KRT71: variants seen among roughly 807,000 people sequenced by gnomAD.
The protein encoded by KRT71 is keratin 71.
In KRT71, 42 loss-of-function variants were observed where a neutral mutation model predicts 46.2. The observed-to-expected ratio is 0.91, with a 90% CI of 0.71 to 1.18. The LOEUF is 1.18. Ranked by LOEUF, KRT71 falls within the 50% of genes most tolerant of loss-of-function variation. The pLI is 0.00. For synonymous variants in KRT71, 292 were observed against 277.8 expected (o/e 1.05, Z -0.51); for missense variants, 708 against 677.9 (o/e 1.04, Z -0.49).
chr12:52,545,632 G>A (rs1450989408), intron 7 of KRT71, 33 bp from the exon 8 acceptor site: 19 of 1,355,152 alleles, frequency 1.4e-5, no homozygotes, highest in Non-Finnish European at 1.9e-5. Flanking sequence ...AAGAGGAGAA[G>A]AGAAGTCATC....
At position 52,546,423 on chromosome 12, in the gene KRT71, C is replaced by T. The variant is rs753786773; in HGVS notation, c.1188G>A (p.Glu396=). The change falls in exon 7 of 9, where the codon GAG becomes GAA. Residue 396 remains glutamate, a synonymous_variant. Coordinates refer to ENST00000267119, the MANE Select transcript of KRT71 (RefSeq NM_033448.3). ...TGGCCTGGTGCAGGGCGCCCTCCAG[C>T]TCGTCCAGCTTGGCCCGGGCATCCT... ...ALKDARAKLD[E]LEGALHQAKE... 5 of 1,614,224 alleles carry T rather than the reference C, an allele frequency of 3.1e-6. No homozygotes were observed. In the South Asian group the frequency reaches 4.4e-5, roughly 14 times the overall value.
In KRT71 at chr12:52,545,576, G is replaced by A. The variant is rs372311616; in HGVS notation, c.1349C>T (p.Pro450Leu). ...ATACAAATACTTACAGATGCTGACA[G>A]GGGAGGGAAATTCTCCTGACATCCT... ...ECRMSGEFPSPVSISIISSTS... is the reference protein window; with the variant it reads ...ECRMSGEFPSLVSISIISSTS... The change falls in exon 8 of 9, where the codon CCT becomes CTT. Residue 450 changes from proline (P) to leucine (L), a missense_variant. Coordinates refer to ENST00000267119, the MANE Select transcript of KRT71 (RefSeq NM_033448.3). The A allele has an allele frequency of 5.1e-6, 8 of 1,560,124 alleles. No homozygotes were observed. In the Middle Eastern group the frequency reaches 5.0e-4, roughly 98 times the overall value.
intron 8 of KRT71, 93 bp downstream of exon 8, chr12:52,545,472 C>G: frequency 4.0e-6 from 3 of 744,556 alleles, no homozygotes; most frequent in African/African-American, 3.6e-5. Context: ...CTCTCTGGTT[C>G]TTAGATCCCT....
At chr12:52,550,325 T>C (rs1031502021) in intron 1 of KRT71, 82 bp from the exon 2 acceptor site, 4 of 1,510,004 alleles carry the variant, frequency 2.6e-6, no homozygotes, top group South Asian at 1.2e-5. Flanking sequence ...GTAAAGCTTC[T>C]ATCTGCATTT....
Position 52,552,755 on chromosome 12 carries a change from T to C in KRT71, c.323A>G (p.Asn108Ser), listed in dbSNP as rs764779855. The C allele has an allele frequency of 1.1e-5, 17 of 1,614,148 alleles. No homozygotes were observed. Among genetic ancestry groups the C allele is most frequent in the Admixed American group, 1.7e-5 (1 of 60,022 alleles). ...GTTGAGGGGGGCCAGGAGGCTCTCA[T>C]TGACGGTAACCTGGTGGATGCCTCC... ...PPGGIHQVTV[N>S]ESLLAPLNVE... Residue 108 changes from asparagine to serine, a missense_variant, in exon 1 of 9, where the codon AAT becomes AGT. By Grantham distance (46) the Asn-to-Ser change is conservative. Transcript: ENST00000267119.
intron 8 of KRT71, among the ~76,000 whole-genome samples, chr12:52,545,023 C>T (rs1939036301): frequency 6.6e-6 from 1 of 152,182 alleles, no homozygotes; most frequent in Admixed American, 6.5e-5. Context: ...GGACACCCAC[C>T]CATTGCCCTT....
At position 52,547,852 on chromosome 12, in the gene KRT71, C is replaced by G. The variant is rs748636466; in HGVS notation, c.1104+5G>C. 26 of 1,613,744 alleles carry G rather than the reference C, an allele frequency of 1.6e-5. No homozygotes were observed. Among genetic ancestry groups the G allele is most frequent in the Non-Finnish European group, 2.1e-5 (25 of 1,179,862 alleles). On this transcript the variant is annotated splice_donor_5th_base_variant and intron_variant, in intron 6 of 8. Coordinates refer to ENST00000267119, the MANE Select transcript of KRT71 (RefSeq NM_033448.3). ...GACCACAGGCCAAGGCCAACGTGCTCTCACCTGCTTCTTCACGTTCTCGAT... is the reference window on the plus strand; with the variant it reads ...GACCACAGGCCAAGGCCAACGTGCTGTCACCTGCTTCTTCACGTTCTCGAT...
At chr12:52,546,703 G>A (rs1939064058) in intron 6 of KRT71, among the ~76,000 whole-genome samples, 197 bp from the exon 7 acceptor site, 2 of 152,362 alleles carry the variant, frequency 1.3e-5, no homozygotes, top group South Asian at 2.1e-4. Context: ...TGTGTTGGAT[G>A]TGTGGGTGAT....
Position 52,546,436 on chromosome 12 carries a change from G to A in KRT71, c.1175C>T (p.Ala392Val). ...RGDNALKDAR[A>V]KLDELEGALH... ...GGCGCCCTCCAGCTCGTCCAGCTTG[G>A]CCCGGGCATCCTTCAGGGCGTTGTC... The change falls in exon 7 of 9, where the codon GCC becomes GTC. Residue 392 changes from alanine to valine, a missense_variant. Ala to Val is a moderately conservative substitution (Grantham distance 64). Coordinates refer to ENST00000267119, the MANE Select transcript of KRT71 (RefSeq NM_033448.3). 6.2e-7 allele frequency: 1 copy of A among 1,614,176 alleles called. No homozygotes were observed. The highest frequency in any genetic ancestry group is 1.1e-5 in the South Asian group (1 of 91,086).
At chr12:52,548,014 T>C (rs1592204621) in intron 5 of KRT71, 32 bp from the exon 6 acceptor site, 1 of 1,612,480 alleles carries the variant, frequency 6.2e-7, no homozygotes, top group Non-Finnish European at 8.5e-7. Context: ...GTCATGAGTG[T>C]GTCGTGGGAG....
chr12:52,547,235 G>C (rs1939072489), intron 6 of KRT71, among the ~76,000 whole-genome samples: 1 of 152,212 alleles, frequency 6.6e-6, no homozygotes, highest in South Asian at 2.1e-4. Context: ...GAGGGCAACT[G>C]TTGCCTCTCA....
Position 52,550,239 on chromosome 12 carries a change from C to A in KRT71, c.446G>T (p.Arg149Leu), listed in dbSNP as rs199845547. The A allele has an allele frequency of 2.5e-5, 40 of 1,614,036 alleles. No homozygotes were observed. The African/African-American group carries it at 4.3e-4, about 17-fold the overall frequency. ...TACCTGGTTCTGCTGCTCCAGGAAC[C>A]GCACCTGGAACCCAGATCCCAGAAA... ...NKFASFIDKV[R>L]FLEQQNQVLE... The change falls in exon 2 of 9, where the codon CGG becomes CTG. Residue 149 changes from arginine to leucine, a missense_variant. Physicochemically the swap from Arg to Leu is moderately radical, Grantham distance 102. Coordinates refer to ENST00000267119, the MANE Select transcript of KRT71 (RefSeq NM_033448.3).
At chr12:52,546,742 C>T (rs775073527) in intron 6 of KRT71, among the ~76,000 whole-genome samples, 2 of 152,208 alleles carry the variant, frequency 1.3e-5, no homozygotes, top group Admixed American at 6.5e-5. Context: ...CCCTCCTGAG[C>T]GCCACTTTAG....
chr12:52,552,418 G>T (rs1592206567), intron 1 of KRT71, among the ~76,000 whole-genome samples: 1 of 152,212 alleles, frequency 6.6e-6, no homozygotes, highest in Non-Finnish European at 1.5e-5. Context: ...GCCCTGAGAA[G>T]CCTCTGCCAG....
At position 52,544,650 on chromosome 12, in the gene KRT71, G is replaced by C; in HGVS notation, c.1454C>G (p.Ser485Cys). The C allele has an allele frequency of 6.2e-7, 1 of 1,614,052 alleles. No homozygotes were observed. Among genetic ancestry groups the C allele is most frequent in the Non-Finnish European group, 8.5e-7 (1 of 1,180,014 alleles). The change falls in exon 9 of 9, where the codon TCT becomes TGT. Residue 485 changes from serine (S) to cysteine (C), a missense_variant. Coordinates refer to ENST00000267119, the MANE Select transcript of KRT71 (RefSeq NM_033448.3). ...GYVANSSNCISGVCSVRGGEG... is the reference protein window; with the variant it reads ...GYVANSSNCICGVCSVRGGEG... ...CCCGCCTCTCACGCTGCACACTCCAGAGATGCAGTTGCTGCTGTTGGCCAC... is the reference window on the plus strand; with the variant it reads ...CCCGCCTCTCACGCTGCACACTCCACAGATGCAGTTGCTGCTGTTGGCCAC...
In KRT71 at chr12:52,548,232, T is replaced by G. The variant is rs1939092525; in HGVS notation, c.898A>C (p.Ile300Leu). 1 of 1,614,202 alleles carries G rather than the reference T, an allele frequency of 6.2e-7. No individual in the cohort carries two copies. ...TACTGGGTGCGGACTTCGTCAATGA[T>G]GCTGTCCAGGTCTAGGTTCCGGTTG... The part of the protein sequence containing the change: ...DNNRNLDLDS[I>L]IDEVRTQYEE... Residue 300 changes from isoleucine (I) to leucine (L), a missense_variant, in exon 5 of 9, where the codon ATC becomes CTC. By Grantham distance (5) the Ile-to-Leu change is conservative. Coordinates refer to ENST00000267119, the MANE Select transcript of KRT71 (RefSeq NM_033448.3).
At chr12:52,548,400 G>A (rs1161760829) in intron 4 of KRT71, 84 bp from the exon 5 acceptor site, 4 of 1,467,808 alleles carry the variant, frequency 2.7e-6, no homozygotes, top group Non-Finnish European at 2.8e-6. Flanking sequence ...GCAAATTCTG[G>A]TGATGCCATC....
chr12:52,548,313 T>A lies in KRT71; in HGVS notation c.817A>T (p.Ile273Phe). The A allele has an allele frequency of 1.2e-6, 2 of 1,609,842 alleles. No individual in the cohort carries two copies. Among genetic ancestry groups the A allele is most frequent in the Non-Finnish European group, 1.7e-6 (2 of 1,177,748 alleles). ...KFFRCLFEAE[I>F]TQIQSHISDM... ...CTGATGTGGGACTGGATCTGAGTGATCTCCTGCAGGGGACACAGAAATGGT... is the reference window on the plus strand; with the variant it reads ...CTGATGTGGGACTGGATCTGAGTGAACTCCTGCAGGGGACACAGAAATGGT... The change falls in exon 5 of 9, where the codon ATC (isoleucine) becomes TTC (phenylalanine). Residue 273 changes from isoleucine (I) to phenylalanine (F), a missense_variant. Ile to Phe is a conservative substitution (Grantham distance 21). Coordinates refer to ENST00000267119, the MANE Select transcript of KRT71 (RefSeq NM_033448.3).
rs190266577 is a variant in KRT71 at position 52,549,313 on chromosome 12, C to T, written c.697G>A (p.Glu233Lys). Residue 233 changes from glutamate (E) to lysine (K), a missense_variant, in exon 3 of 9, where the codon GAG (glutamate) becomes AAG (lysine). Physicochemically the swap from Glu to Lys is moderately conservative, Grantham distance 56. Coordinates refer to ENST00000267119, the MANE Select transcript of KRT71 (RefSeq NM_033448.3). Reference protein sequence around the residue: ...EINKRTAAENEFVLLKKDVDA... With the variant: ...EINKRTAAENKFVLLKKDVDA... ...CTCACCTTCTTGAGCAGCACAAACT[C>T]GTTCTCTGCTGCTGTCCGCTTGTTG... The T allele has an allele frequency of 1.7e-5, 27 of 1,613,950 alleles. No individual in the cohort carries two copies. The highest frequency in any genetic ancestry group is 1.1e-4 in the East Asian group (5 of 44,860).
Sources: gnomAD v4.1 joint callset for allele counts (sites outside exome capture counted in the v4.1 genomes callset) on GRCh38, gnomAD v4.1.1 for gene constraint, MANE v1.5 for transcripts, NCBI Gene and HGNC (gene_info 2026-07-23, HGNC 2026-07-21) for gene names.